YWHAZ: variants seen among roughly 807,000 people sequenced by gnomAD.
YWHAZ encodes tyrosine 3-monooxygenase/tryptophan 5-monooxygenase activation protein zeta, also known as 14-3-3 protein zeta/delta.
For synonymous variants in YWHAZ, 87 were observed against 103.6 expected, an observed-to-expected ratio of 0.84 and a Z score of 0.97; for missense variants, 79 against 284.8, an observed-to-expected ratio of 0.28 and a Z score of 5.20.
chr8:100,920,343 AC>A lies in YWHAZ; in HGVS notation c.*349del. ...TCCCTTTTATTCCCCGCCAGGACAA[AC>A]CAGTATGTAGGCAGTTTTCTTTGCT... On this transcript the variant is annotated 3_prime_UTR_variant, in exon 6 of 6. Transcript: ENST00000395958. The A allele has an allele frequency of 4.3e-6, 1 of 234,576 alleles. No individual in the cohort carries two copies. The allele number at this position is 234,576 out of a possible 1,614,324, so 14.5% of individuals were successfully genotyped here.
At chr8:100,952,907 C>T, upstream of YWHAZ, 2 of 1,000,372 alleles carry the variant, frequency 2.0e-6, no homozygotes, top group Non-Finnish European at 1.2e-6. Context: ...GGGAGTGAGG[C>T]GTCCAGCCCC....
At chr8:100,949,670 G>C (rs1332326907) in intron 1 of YWHAZ, among the ~76,000 whole-genome samples, 1 of 152,178 alleles carries the variant, frequency 6.6e-6, no homozygotes, top group African/African-American at 2.4e-5. Context: ...CACATTGGAA[G>C]TACTTAATTT....
intron 2 of YWHAZ, among the ~76,000 whole-genome samples, chr8:100,944,083 A>G (rs900029820): frequency 1.3e-5 from 2 of 152,190 alleles, no homozygotes; most frequent in Non-Finnish European, 2.9e-5. Context: ...ACTTTGAAAC[A>G]TACCAAAACC....
intron 1 of YWHAZ, chr8:100,951,266 C>T: frequency 1.0e-6 from 1 of 984,814 alleles, no homozygotes; most frequent in Middle Eastern, 5.2e-4. Context: ...GGCCTGGGCT[C>T]CGGCCCGCTC....
chr8:100,950,663 G>GGA, intron 1 of YWHAZ: 8 of 910,004 alleles, frequency 8.8e-6, no homozygotes, highest in Non-Finnish European at 1.1e-5. Context: ...GCCGTGGGGG[G>GGA]GGGGGAGAGA....
At chr8:100,926,840 G>GT (rs1352315796) in intron 2 of YWHAZ, among the ~76,000 whole-genome samples, 2 of 152,198 alleles carry the variant, frequency 1.3e-5, no homozygotes, top group African/African-American at 4.8e-5. Context: ...AAATAGTCAA[G>GT]TGAGTCTTTC....
In YWHAZ at chr8:100,920,650, T is replaced by C; in HGVS notation, c.*43A>G. On this transcript the variant is annotated 3_prime_UTR_variant, in exon 6 of 6. Transcript: ENST00000395958. ...ACAGCATGGATGACAAATGGTCTAC[T>C]GTGTAAATTTTAGAATGAGGCAGAC... The C allele has an allele frequency of 6.8e-7, 1 of 1,467,292 alleles. No homozygotes were observed. The highest frequency in any genetic ancestry group is 9.5e-7 in the Non-Finnish European group (1 of 1,047,866). 90.9% of individuals were successfully genotyped at this position (1,467,292 alleles called of 1,614,324 possible).
chr8:100,943,298 T>C (rs115867693), intron 2 of YWHAZ, among the ~76,000 whole-genome samples: 8 of 152,328 alleles, frequency 5.3e-5, no homozygotes, highest in Non-Finnish European at 8.8e-5. Context: ...GAAATCACAA[T>C]AGGGAACCAG....
intron 2 of YWHAZ, among the ~76,000 whole-genome samples, chr8:100,937,608 G>A (rs1814248631): frequency 6.6e-6 from 1 of 152,162 alleles, no homozygotes; most frequent in Non-Finnish European, 1.5e-5. Flanking sequence ...CCAAATATGT[G>A]AGTGGGAGAA....
intron 2 of YWHAZ, among the ~76,000 whole-genome samples, chr8:100,945,732 T>C (rs758295430): frequency 7.2e-5 from 11 of 152,166 alleles, no homozygotes; most frequent in Non-Finnish European, 1.5e-5. Flanking sequence ...CCAGAGTCGA[T>C]GTGACCTATT....
chr8:100,935,540 AT>A lies in YWHAZ; in HGVS notation c.295-10502del, dbSNP rs139452273. On this transcript the variant is annotated intron_variant, in intron 2 of 5. Coordinates refer to ENST00000395958, the MANE Select transcript of YWHAZ (RefSeq NM_145690.3). Reference sequence around the variant, plus strand: ...TCTCTGAAAACCTAAGAGATTGCTCATTTAAAATATGTGAGTGCTGAACTAA... The same window carrying A: ...TCTCTGAAAACCTAAGAGATTGCTCATTAAAATATGTGAGTGCTGAACTAA... Among the ~76,000 whole-genome samples the A allele has an allele frequency of 9.3e-3, 1,424 of 152,360 alleles. 21 individuals are homozygous for A. Among genetic ancestry groups the A allele is most frequent in the African/African-American group, 0.031 (1,300 of 41,572 alleles).
chr8:100,923,870 G>A, intron 5 of YWHAZ, 85 bp downstream of exon 5: 1 of 1,083,978 alleles, frequency 9.2e-7, no homozygotes. Context: ...TTTAAAAGAT[G>A]TATTTAATAA....
chr8:100,926,648 G>T (rs1340204439), intron 2 of YWHAZ, among the ~76,000 whole-genome samples: 3 of 152,114 alleles, frequency 2.0e-5, no homozygotes, highest in African/African-American at 7.2e-5. Flanking sequence ...TAAAATTACT[G>T]GCCGGAAATC....
rs1298255501 is a variant in YWHAZ at position 100,948,684 on chromosome 8, G to A, written c.206C>T (p.Thr69Met). Residue 69 changes from threonine (T) to methionine (M), a missense_variant, in exon 2 of 6, where the codon ACG becomes ATG. Transcript: ENST00000395958. The surrounding 1 kb of genome is among the most constrained non-coding windows in gnomAD (Gnocchi z 4.2). The stretch of plus-strand genomic sequence containing the variant: ...CTGCTGTTTTTTCTCAGCACCTTCC[G>A]TCTTTTGTTCAATACTTGAGACGAC... ...WRVVSSIEQK[T>M]EGAEKKQQMA... is the part of the protein sequence containing the mutation. 2 of 1,604,722 alleles carry A rather than the reference G, an allele frequency of 1.2e-6. No homozygotes were observed. Among genetic ancestry groups the A allele is most frequent in the Non-Finnish European group, 1.7e-6 (2 of 1,179,818 alleles).
At chr8:100,927,166 A>G (rs1295320730) in intron 2 of YWHAZ, among the ~76,000 whole-genome samples, 2 of 152,206 alleles carry the variant, frequency 1.3e-5, no homozygotes, top group African/African-American at 2.4e-5. Context: ...TGGAAGCACA[A>G]TATTCTGGTA....
chr8:100,948,758 G>A lies in YWHAZ; in HGVS notation c.132C>T (p.Leu44=). The A allele has an allele frequency of 4.4e-6, 7 of 1,599,778 alleles. No individual in the cohort carries two copies. Among genetic ancestry groups the A allele is most frequent in the Non-Finnish European group, 5.9e-6 (7 of 1,179,936 alleles). The change falls in exon 2 of 6, where the codon CTC becomes CTT. Residue 44 remains leucine, a synonymous_variant. Coordinates refer to ENST00000395958, the MANE Select transcript of YWHAZ (RefSeq NM_145690.3). This position sits in a 1 kb window ranked among gnomAD's most constrained non-coding sequence, Gnocchi z 4.2. ...AELSNEERNL[L]SVAYKNVVGA... The stretch of plus-strand genomic sequence containing the variant: ...CTACAACATTTTTATAAGCAACTGA[G>A]AGAAGATTCCTCTCCTCATTGGATA...
intron 2 of YWHAZ, among the ~76,000 whole-genome samples, chr8:100,931,069 A>C (rs1192017879): frequency 6.6e-6 from 1 of 152,204 alleles, no homozygotes; most frequent in Non-Finnish European, 1.5e-5. Context: ...GAGATAAAAG[A>C]GATTTTTCTC....
chr8:100,926,295 G>A (rs1226578621), intron 2 of YWHAZ, among the ~76,000 whole-genome samples: 6 of 151,724 alleles, frequency 4.0e-5, no homozygotes, highest in African/African-American at 4.9e-5. Context: ...GAGGTTAAAG[G>A]TGAGAAAAGT....
chr8:100,951,282 C>G, intron 1 of YWHAZ: 2 of 984,680 alleles, frequency 2.0e-6, no homozygotes, highest in Non-Finnish European at 2.4e-6. Flanking sequence ...CGCTCTCGGC[C>G]AGGCCTTTCC....
Sources: allele counts gnomAD v4.1 joint callset (sites outside exome capture counted in the v4.1 genomes callset), GRCh38; gene constraint gnomAD v4.1.1; non-coding constraint Gnocchi (gnomAD v3.1); transcripts MANE v1.5; gene names NCBI Gene and HGNC (gene_info 2026-07-23, HGNC 2026-07-21).